The following NELL1 variants were observed in gnomAD, a reference collection of about 807,000 sequenced individuals.
NELL1 encodes the protein protein kinase C-binding protein NELL1.
NELL1 carries 76 observed loss-of-function variants against 107.4 expected under a neutral mutation model. That is an observed-to-expected ratio of 0.71 (90% confidence interval 0.59 to 0.86). NELL1 has a LOEUF of 0.86. NELL1 is among the 40% of genes least tolerant of loss of function. The pLI is 0.00. For missense variants in NELL1, 1,024 were observed against 1,005.5 expected, an observed-to-expected ratio of 1.02 and a Z score of -0.25; for synonymous variants, 353 against 341.2, an observed-to-expected ratio of 1.03 and a Z score of -0.38.
chr11:20,858,300 C>T (rs1330973768), intron 4 of NELL1, among the ~76,000 whole-genome samples: 3 of 152,156 alleles, frequency 2.0e-5, no homozygotes, highest in Non-Finnish European at 4.4e-5. Flanking sequence ...TAGGTCTAGC[C>T]AGAGCACTGC....
At chr11:21,541,845 T>C (rs955880230) in intron 16 of NELL1, among the ~76,000 whole-genome samples, 1 of 152,096 alleles carries the variant, frequency 6.6e-6, no homozygotes, top group South Asian at 2.1e-4. Context: ...TAGTCAACAT[T>C]TAACCTCCCT....
chr11:21,348,603 G>GA (rs560006054), intron 14 of NELL1, among the ~76,000 whole-genome samples: 12 of 151,480 alleles, frequency 7.9e-5, no homozygotes, highest in East Asian at 1.9e-4. Context: ...TAAAAGAAAA[G>GA]AAAAAAAACA....
At chr11:21,427,005 C>G (rs1852838351) in intron 15 of NELL1, among the ~76,000 whole-genome samples, 1 of 152,062 alleles carries the variant, frequency 6.6e-6, no homozygotes, top group Non-Finnish European at 1.5e-5. Flanking sequence ...AAGCTGTTGC[C>G]CCCATGTAAT....
rs191271118 is a variant in NELL1 at position 20,688,537 on chromosome 11, T to C, written c.184+10477T>C. On this transcript the variant is annotated intron_variant, in intron 2 of 19. Coordinates refer to ENST00000357134, the MANE Select transcript of NELL1 (RefSeq NM_006157.5). ...GGATAATGGCCTCCAGCTGCATCCATGTTGCTGCAAAGAACATGATTTCAT... is the reference window on the plus strand; with the variant it reads ...GGATAATGGCCTCCAGCTGCATCCACGTTGCTGCAAAGAACATGATTTCAT... Among the ~76,000 whole-genome samples the C allele has an allele frequency of 3.5e-3, 534 of 152,282 alleles. 3 individuals carry two copies. Among genetic ancestry groups the C allele is most frequent in the African/African-American group, 0.012 (501 of 41,568 alleles).
intron 13 of NELL1, among the ~76,000 whole-genome samples, chr11:21,220,456 CTT>C (rs1857726761): frequency 6.6e-6 from 1 of 152,138 alleles, no homozygotes. Flanking sequence ...CTGTAGATCA[CTT>C]TGAAGAGTAT....
chr11:20,930,845 TTTAG>T (rs1176572927), intron 9 of NELL1, among the ~76,000 whole-genome samples: 6 of 151,436 alleles, frequency 4.0e-5, no homozygotes, highest in African/African-American at 7.3e-5. Context: ...TTCATAGCAA[TTTAG>T]TTAGGTAGCA....
intron 2 of NELL1, among the ~76,000 whole-genome samples, chr11:20,724,778 T>C (rs1378362848): frequency 6.6e-6 from 1 of 152,214 alleles, no homozygotes; most frequent in Non-Finnish European, 1.5e-5. Context: ...ATTTTCAGTT[T>C]ATCTTTATAG....
intron 12 of NELL1, among the ~76,000 whole-genome samples, chr11:21,030,023 G>A (rs1466536226): frequency 2.0e-5 from 3 of 152,208 alleles, no homozygotes; most frequent in East Asian, 1.9e-4. Flanking sequence ...AGAAGTAAAT[G>A]AAGTGATTGG....
intron 3 of NELL1, among the ~76,000 whole-genome samples, chr11:20,819,388 C>G (rs1389017449): frequency 1.3e-5 from 2 of 152,136 alleles, no homozygotes; most frequent in Non-Finnish European, 2.9e-5. Context: ...TGTACTTTGT[C>G]TTTCTGAGGT....
chr11:20,792,085 A>T (rs1227362225), intron 3 of NELL1, among the ~76,000 whole-genome samples: 1 of 151,760 alleles, frequency 6.6e-6, no homozygotes, highest in Non-Finnish European at 1.5e-5. Context: ...CTTTCTTTCC[A>T]TGTTTTAATA....
At chr11:20,689,824 T>C (rs372050920) in intron 2 of NELL1, among the ~76,000 whole-genome samples, 1 of 151,726 alleles carries the variant, frequency 6.6e-6, no homozygotes, top group East Asian at 1.9e-4. Flanking sequence ...CTGGGTCAAA[T>C]GGTATTTCTA....
chr11:21,071,582 T>A (rs1272872656), intron 12 of NELL1, among the ~76,000 whole-genome samples: 1 of 152,186 alleles, frequency 6.6e-6, no homozygotes, highest in Non-Finnish European at 1.5e-5. Context: ...TTTCATATCA[T>A]CAGTGTAGCT....
At chr11:20,676,533 A>G (rs1472930087) in intron 1 of NELL1, among the ~76,000 whole-genome samples, 1 of 152,248 alleles carries the variant, frequency 6.6e-6, no homozygotes, top group Non-Finnish European at 1.5e-5. Context: ...GAAGTCTGAT[A>G]GAAACTGAGA....
chr11:20,733,677 C>T (rs1203228702), intron 2 of NELL1, among the ~76,000 whole-genome samples: 1 of 152,094 alleles, frequency 6.6e-6, no homozygotes, highest in African/African-American at 2.4e-5. Context: ...GAATAAATTC[C>T]CTTATGAAGG....
chr11:20,888,826 GT>G (rs1849561243), intron 5 of NELL1, among the ~76,000 whole-genome samples: 2 of 152,172 alleles, frequency 1.3e-5, no homozygotes, highest in Admixed American at 6.5e-5. Flanking sequence ...CTCTCTGGGG[GT>G]TGGCTGGCTG....
chr11:20,783,533 T>G, intron 2 of NELL1, 147 bp from the exon 3 acceptor site: 1 of 568,102 alleles, frequency 1.8e-6, no homozygotes, highest in South Asian at 2.9e-5. Flanking sequence ...GCAATCTGGA[T>G]TCTTTGGACA....
intron 12 of NELL1, among the ~76,000 whole-genome samples, chr11:21,106,789 T>G (rs145517588): frequency 6.6e-6 from 1 of 152,232 alleles, no homozygotes; most frequent in African/African-American, 2.4e-5. Flanking sequence ...CCCCCTTGCT[T>G]TAGGGAGGAC....
At chr11:21,074,437 G>C (rs915922993) in intron 12 of NELL1, among the ~76,000 whole-genome samples, 2 of 152,042 alleles carry the variant, frequency 1.3e-5, no homozygotes, top group Non-Finnish European at 2.9e-5. Flanking sequence ...TGGGGGCTGT[G>C]GTAGGCAGAG....
At chr11:20,975,558 G>T (rs1418943462) in intron 12 of NELL1, among the ~76,000 whole-genome samples, 4 of 135,126 alleles carry the variant, frequency 3.0e-5, no homozygotes, top group Admixed American at 7.5e-5. Context: ...ATACATATAT[G>T]TACAGATATA....
Sources: gnomAD v4.1 joint callset for allele counts (sites outside exome capture counted in the v4.1 genomes callset) on GRCh38, gnomAD v4.1.1 for gene constraint, MANE v1.5 for transcripts, NCBI Gene and HGNC (gene_info 2026-07-23, HGNC 2026-07-21) for gene names.